The following UNC5D variants were observed in gnomAD, a reference collection of about 807,000 sequenced individuals.
The protein encoded by UNC5D is unc-5 netrin receptor D.
Under a neutral mutation model 105.4 loss-of-function variants are expected in UNC5D, and 39 were observed. That is an observed-to-expected ratio of 0.37 (90% CI 0.29 to 0.48). The LOEUF is 0.48. UNC5D is among the 20% of genes least tolerant of loss of function. The pLI, the probability that UNC5D is intolerant of heterozygous loss-of-function variation, is 0.98. For missense variants in UNC5D, 991 were observed against 1,202.4 expected, an observed-to-expected ratio of 0.82 and a Z score of 2.60; for synonymous variants, 452 against 450.4, an observed-to-expected ratio of 1.00 and a Z score of -0.04.
intron 1 of UNC5D, among the ~76,000 whole-genome samples, chr8:35,523,111 T>A (rs1188049095): frequency 7.1e-6 from 1 of 140,656 alleles, no homozygotes; most frequent in Non-Finnish European, 1.5e-5. Flanking sequence ...TGAGACTGGG[T>A]CTTGTTCTGT....
chr8:35,681,791 C>A (rs1336145671), intron 4 of UNC5D, among the ~76,000 whole-genome samples: 2 of 152,176 alleles, frequency 1.3e-5, no homozygotes, highest in Non-Finnish European at 2.9e-5. Context: ...AAATTAACCT[C>A]TTCTAAAGTA....
chr8:35,417,046 G>C (rs1180447730), intron 1 of UNC5D, among the ~76,000 whole-genome samples: 1 of 152,090 alleles, frequency 6.6e-6, no homozygotes, highest in Non-Finnish European at 1.5e-5. Flanking sequence ...ATGGAGAATG[G>C]AGTATCCATC....
intron 1 of UNC5D, among the ~76,000 whole-genome samples, chr8:35,383,113 C>T (rs1585714783): frequency 6.6e-6 from 1 of 152,242 alleles, no homozygotes; most frequent in East Asian, 1.9e-4. Flanking sequence ...TAAAGTAATT[C>T]AATAAGAGGG....
At chr8:35,403,984 G>T (rs968495529) in intron 1 of UNC5D, among the ~76,000 whole-genome samples, 18 of 152,152 alleles carry the variant, frequency 1.2e-4, no homozygotes, top group African/African-American at 4.3e-4. Context: ...TGTGTGAGAT[G>T]ACAGTGTGGG....
intron 1 of UNC5D, among the ~76,000 whole-genome samples, chr8:35,312,727 TGCACTGAAATCA>T (rs1381234451): frequency 6.6e-6 from 1 of 152,198 alleles, no homozygotes; most frequent in East Asian, 1.9e-4. Context: ...ATAGCACAGA[TGCACTGAAATCA>T]AAGGAAGTGT....
intron 1 of UNC5D, among the ~76,000 whole-genome samples, chr8:35,413,292 T>TGTGTGTGTGTGTGTGTGTGTGTTG (rs56157732): frequency 7.8e-6 from 1 of 127,978 alleles, no homozygotes; most frequent in African/African-American, 3.1e-5. Flanking sequence ...TGTGTGTGTG[T>TGTGTGTGTGTGTGTGTGTGTGTTG]TGTGTGTGTG....
chr8:35,295,669 C>CT (rs1420330991), intron 1 of UNC5D, among the ~76,000 whole-genome samples: 1 of 152,092 alleles, frequency 6.6e-6, no homozygotes, highest in Non-Finnish European at 1.5e-5. Flanking sequence ...GCATAGTCAG[C>CT]TTTTTTTGTA....
intron 1 of UNC5D, among the ~76,000 whole-genome samples, chr8:35,541,325 G>C (rs770537465): frequency 2.6e-5 from 4 of 152,158 alleles, no homozygotes; most frequent in Non-Finnish European, 5.9e-5. Flanking sequence ...AATATGTCAG[G>C]AGGCAGCTTT....
chr8:35,683,342 A>G (rs569952200), intron 4 of UNC5D, among the ~76,000 whole-genome samples: 1 of 152,250 alleles, frequency 6.6e-6, no homozygotes, highest in South Asian at 2.1e-4. Context: ...CCTGCTCCCA[A>G]CTTATTAGCT....
chr8:35,242,677 G>C (rs185973214), intron 1 of UNC5D, among the ~76,000 whole-genome samples: 1 of 152,016 alleles, frequency 6.6e-6, no homozygotes, highest in Non-Finnish European at 1.5e-5. Flanking sequence ...GTTTCACCAC[G>C]TTGGTCAGGC....
chr8:35,575,266 G>A (rs1391866516), intron 3 of UNC5D, among the ~76,000 whole-genome samples: 2 of 152,126 alleles, frequency 1.3e-5, no homozygotes, highest in Non-Finnish European at 2.9e-5. Flanking sequence ...ACACAATCAT[G>A]TATATTACCT....
intron 1 of UNC5D, among the ~76,000 whole-genome samples, chr8:35,385,324 CACACA>C (rs1278196419): frequency 1.3e-5 from 2 of 152,122 alleles, no homozygotes; most frequent in Non-Finnish European, 2.9e-5. Context: ...TGCCATTCCG[CACACA>C]AACTCTGGTA....
At chr8:35,601,877 G>C (rs574434589) in intron 4 of UNC5D, among the ~76,000 whole-genome samples, 20 of 152,138 alleles carry the variant, frequency 1.3e-4, no homozygotes, top group Non-Finnish European at 2.8e-4. Flanking sequence ...TCTTGTGCCA[G>C]ATTTCAAAGG....
chr8:35,497,409 T>A, intron 1 of UNC5D, among the ~76,000 whole-genome samples: 1 of 152,266 alleles, frequency 6.6e-6, no homozygotes, highest in South Asian at 2.1e-4. Context: ...CCTACTGCTG[T>A]TTTCTCAAAT....
intron 4 of UNC5D, among the ~76,000 whole-genome samples, chr8:35,669,317 C>T (rs908852569): frequency 7.2e-5 from 11 of 151,992 alleles, no homozygotes; most frequent in African/African-American, 2.7e-4. Flanking sequence ...TCATTTCAAT[C>T]TATTGATTTT....
intron 4 of UNC5D, among the ~76,000 whole-genome samples, chr8:35,623,144 G>A (rs1381471861): frequency 6.6e-6 from 1 of 152,094 alleles, no homozygotes; most frequent in African/African-American, 2.4e-5. Context: ...CTGTCTCTCG[G>A]ATGGTAATTT....
intron 1 of UNC5D, among the ~76,000 whole-genome samples, chr8:35,496,682 A>G (rs1811618650): frequency 6.6e-6 from 1 of 152,184 alleles, no homozygotes; most frequent in Admixed American, 6.5e-5. Context: ...TGTACAACTC[A>G]ATAAATTTTA....
chr8:35,639,927 A>G, intron 4 of UNC5D, among the ~76,000 whole-genome samples: 1 of 151,058 alleles, frequency 6.6e-6, no homozygotes. Flanking sequence ...GGTCTCATTT[A>G]TTGCCCAGTC....
chr8:35,544,412 TA>T lies in UNC5D; in HGVS notation c.104-4870del, dbSNP rs374549800. ...TAGCGTTAAATAAGTAGGGATTGTTTAAAAAAAAAAGCTGTAATATGTTATC... is the reference window on the plus strand; with the variant it reads ...TAGCGTTAAATAAGTAGGGATTGTTTAAAAAAAAAGCTGTAATATGTTATC... On this transcript the variant is annotated intron_variant, in intron 1 of 16. Coordinates refer to ENST00000404895, the MANE Select transcript of UNC5D (RefSeq NM_080872.4). The T allele has an allele frequency of 4.0e-3, 5,642 of 1,415,096 alleles. 2 individuals carry two copies. The highest frequency in any genetic ancestry group is 7.9e-3 in the Admixed American group (401 of 50,646). 87.7% of individuals were successfully genotyped at this position (1,415,096 alleles called of 1,614,324 possible).
Sources: allele counts gnomAD v4.1 joint callset (sites outside exome capture counted in the v4.1 genomes callset), GRCh38; gene constraint gnomAD v4.1.1; transcripts MANE v1.5; gene names NCBI Gene and HGNC (gene_info 2026-07-23, HGNC 2026-07-21).